ALOX5: variants seen among roughly 807,000 people sequenced by gnomAD.
The protein encoded by ALOX5 is arachidonate 5-lipoxygenase.
ALOX5 carries 64 observed loss-of-function variants against 87.9 expected under a neutral mutation model. The ratio of observed to expected loss-of-function variants is 0.73; its 90% confidence interval spans 0.60 to 0.90. The LOEUF (loss-of-function observed/expected upper bound fraction) is 0.90. ALOX5 is among the 40% of genes least tolerant of loss of function. The pLI is 0.00. For missense variants in ALOX5, 822 were observed against 907.5 expected, an observed-to-expected ratio of 0.91 and a Z score of 1.21; for synonymous variants, 388 against 355.1, an observed-to-expected ratio of 1.09 and a Z score of -1.04.
chr10:45,398,380 T>TA (rs1840586747), intron 3 of ALOX5, among the ~76,000 whole-genome samples: 1 of 152,306 alleles, frequency 6.6e-6, no homozygotes, highest in South Asian at 2.1e-4. Flanking sequence ...ATGTAAGAGC[T>TA]AAAACTATAA....
intron 2 of ALOX5, among the ~76,000 whole-genome samples, chr10:45,389,846 T>G (rs529152758): frequency 1.3e-5 from 2 of 152,166 alleles, no homozygotes; most frequent in Non-Finnish European, 2.9e-5. Flanking sequence ...CATAACAATA[T>G]TAACCATAAA....
chr10:45,434,085 C>T lies in ALOX5; in HGVS notation c.981+5321C>T, dbSNP rs566621119. 2.0e-5 allele frequency among the ~76,000 whole-genome samples: 3 copies of T among 152,344 alleles called. No homozygotes were observed. In the South Asian group the frequency reaches 6.2e-4, roughly 32 times the overall value. On this transcript the variant is annotated intron_variant, in intron 7 of 13. Coordinates refer to ENST00000374391, the MANE Select transcript of ALOX5 (RefSeq NM_000698.5). The stretch of plus-strand genomic sequence containing the variant: ...AGGGCTAGCTAGGTGCCTGGAACTT[C>T]CCTTCAAGGAACTCGGGATTTTCCT...
intron 4 of ALOX5, among the ~76,000 whole-genome samples, chr10:45,418,471 C>T (rs1315850615): frequency 6.6e-6 from 1 of 152,204 alleles, no homozygotes; most frequent in Non-Finnish European, 1.5e-5. Context: ...ATTCTTGGTT[C>T]AGGCCCTCTG....
intron 3 of ALOX5, among the ~76,000 whole-genome samples, chr10:45,410,281 C>T (rs1399936660): frequency 2.0e-5 from 3 of 152,154 alleles, no homozygotes; most frequent in Non-Finnish European, 2.9e-5. Flanking sequence ...TTGGAGATGC[C>T]TTGAGTCATT....
chr10:45,422,003 C>T (rs1047887860), intron 4 of ALOX5, among the ~76,000 whole-genome samples: 2 of 152,146 alleles, frequency 1.3e-5, no homozygotes, highest in African/African-American at 4.8e-5. Flanking sequence ...TCCTGAGCAT[C>T]ATGGCCTCCT....
At chr10:45,442,235 C>G (rs1234933259) in intron 9 of ALOX5, among the ~76,000 whole-genome samples, 1 of 152,218 alleles carries the variant, frequency 6.6e-6, no homozygotes, top group Non-Finnish European at 1.5e-5. Flanking sequence ...GCATCACACT[C>G]TCCTGCTGCA....
chr10:45,404,093 C>G (rs1397446426), intron 3 of ALOX5, among the ~76,000 whole-genome samples: 1 of 152,232 alleles, frequency 6.6e-6, no homozygotes, highest in African/African-American at 2.4e-5. Flanking sequence ...CTGGGAGCTA[C>G]TTAACATTAT....
intron 4 of ALOX5, among the ~76,000 whole-genome samples, chr10:45,420,926 C>T (rs545316924): frequency 2.0e-5 from 3 of 152,202 alleles, no homozygotes; most frequent in African/African-American, 4.8e-5. Context: ...GAAGTAGGGG[C>T]GAGGGGTGGG....
At chr10:45,401,692 T>C (rs1412785615) in intron 3 of ALOX5, among the ~76,000 whole-genome samples, 1 of 152,222 alleles carries the variant, frequency 6.6e-6, no homozygotes, top group African/African-American at 2.4e-5. Flanking sequence ...CTAATTTTTG[T>C]ATTCTTATAA....
intron 2 of ALOX5, among the ~76,000 whole-genome samples, chr10:45,386,894 C>T (rs1232682547): frequency 1.3e-5 from 2 of 152,136 alleles, no homozygotes; most frequent in Non-Finnish European, 2.9e-5. Context: ...TAGCTACCTG[C>T]TACCTGCTCC....
chr10:45,377,588 C>T (rs1839666845), intron 1 of ALOX5, among the ~76,000 whole-genome samples: 1 of 152,010 alleles, frequency 6.6e-6, no homozygotes, highest in Non-Finnish European at 1.5e-5. Context: ...CCCTTGTTTT[C>T]CTCAGCTCTT....
chr10:45,435,605 C>T lies in ALOX5; in HGVS notation c.982-4825C>T, dbSNP rs1003902669. ...TGCATCCATGTTGCTGCAAAGAACA[C>T]GATTTCATTCTTTTTTATGGCTATG... On this transcript the variant is annotated intron_variant, in intron 7 of 13. Transcript: ENST00000374391. Among the ~76,000 whole-genome samples the T allele has an allele frequency of 3.9e-5, 6 of 152,160 alleles. No individual in the cohort carries two copies. In the East Asian group the frequency reaches 7.7e-4, roughly 20 times the overall value.
Position 45,382,530 on chromosome 10 carries a change from G to A in ALOX5, c.198G>A (p.Gln66=), listed in dbSNP as rs777018271. 2 of 1,614,212 alleles carry A rather than the reference G, an allele frequency of 1.2e-6. No homozygotes were observed. The highest frequency in any genetic ancestry group is 1.7e-6 in the Non-Finnish European group (2 of 1,180,048). The change falls in exon 2 of 14, where the codon CAG becomes CAA. Residue 66 remains glutamine, a synonymous_variant. Transcript: ENST00000374391. ...TGGACGAGGAACTGGGCGAGATCCA[G>A]CTGGTCAGAATCGAGAAGCGCAAGT... ...VTVDEELGEI[Q]LVRIEKRKYW... is the part of the protein sequence containing the mutation.
chr10:45,427,553 G>T (rs566743314), intron 6 of ALOX5, among the ~76,000 whole-genome samples: 1 of 152,366 alleles, frequency 6.6e-6, no homozygotes, highest in Non-Finnish European at 1.5e-5. Context: ...GGCAGCCCGG[G>T]GGTCCTGCGC....
At chr10:45,418,918 G>A (rs1334566161) in intron 4 of ALOX5, among the ~76,000 whole-genome samples, 1 of 152,234 alleles carries the variant, frequency 6.6e-6, no homozygotes, top group African/African-American at 2.4e-5. Flanking sequence ...GCGGGACAGT[G>A]CAGAAATGCG....
intron 4 of ALOX5, among the ~76,000 whole-genome samples, chr10:45,418,062 G>A (rs1841359462): frequency 6.6e-6 from 1 of 152,228 alleles, no homozygotes; most frequent in South Asian, 2.1e-4. Context: ...AATCCTGAGA[G>A]GGGCCCTTCT....
intron 9 of ALOX5, 147 bp downstream of exon 9, chr10:45,441,577 A>C: frequency 1.3e-6 from 1 of 743,362 alleles, no homozygotes; most frequent in East Asian, 2.7e-5. Context: ...CATCCTCCTG[A>C]TGTCTCCAGC....
Position 45,425,014 on chromosome 10 carries a change from A to G in ALOX5, c.716A>G (p.Asn239Ser), listed in dbSNP as rs1841648423. 1 of 1,614,074 alleles carries G rather than the reference A, an allele frequency of 6.2e-7. No homozygotes were observed. The highest frequency in any genetic ancestry group is 8.5e-7 in the Non-Finnish European group (1 of 1,180,038). ...CTGATGTTTGGCTACCAGTTCCTGA[A>G]TGGCTGCAACCCTGTGTTGATCCGG... ...EDLMFGYQFL[N>S]GCNPVLIRRC... Residue 239 changes from asparagine to serine, a missense_variant, in exon 6 of 14, where the codon AAT becomes AGT. Physicochemically the swap from Asn to Ser is conservative, Grantham distance 46. Coordinates refer to ENST00000374391, the MANE Select transcript of ALOX5 (RefSeq NM_000698.5). The surrounding 1 kb of genome is among the most constrained non-coding windows in gnomAD (Gnocchi z 4.4).
At position 45,432,187 on chromosome 10, in the gene ALOX5, T is replaced by TA. The variant is rs777990713; in HGVS notation, c.981+3437dup. Reference sequence around the variant, plus strand: ...GGCAACCAAGTGAGACCTCATGTCTTAAAAAAAAAAAAAATTAATAGAAAA... The same window carrying TA: ...GGCAACCAAGTGAGACCTCATGTCTTAAAAAAAAAAAAAAATTAATAGAAAA... On this transcript the variant is annotated intron_variant, in intron 7 of 13. Transcript: ENST00000374391. Among the ~76,000 whole-genome samples, 1,228 of 140,696 alleles carry TA rather than the reference T, an allele frequency of 8.7e-3. 4 individuals carry two copies. Among genetic ancestry groups the TA allele is most frequent in the African/African-American group, 0.018 (687 of 38,468 alleles). 92.3% of individuals were successfully genotyped at this position (140,696 alleles called of 152,430 possible).
Sources: allele counts gnomAD v4.1 joint callset (sites outside exome capture counted in the v4.1 genomes callset), GRCh38; gene constraint gnomAD v4.1.1; non-coding constraint Gnocchi (gnomAD v3.1); transcripts MANE v1.5; gene names NCBI Gene and HGNC (gene_info 2026-07-23, HGNC 2026-07-21).